KHDRBS2: variants seen among roughly 807,000 people sequenced by gnomAD.
KHDRBS2 encodes KH domain-containing, RNA-binding, signal transduction-associated protein 2.
Under a neutral mutation model 44.3 loss-of-function variants are expected in KHDRBS2, and 26 were observed. That is an observed-to-expected ratio of 0.59 (90% CI 0.43 to 0.81). The LOEUF (loss-of-function observed/expected upper bound fraction) is 0.81, where lower values mean the gene tolerates loss of function less well. KHDRBS2 is among the 40% of genes least tolerant of loss of function. KHDRBS2 has a pLI of 0.00. For missense variants in KHDRBS2, 476 were observed against 433.1 expected, an observed-to-expected ratio of 1.10 and a Z score of -0.88; for synonymous variants, 194 against 151.1, an observed-to-expected ratio of 1.28 and a Z score of -2.08.
intron 3 of KHDRBS2, among the ~76,000 whole-genome samples, chr6:61,982,968 T>C (rs1377959052): frequency 6.6e-5 from 10 of 152,062 alleles, no homozygotes; most frequent in Admixed American, 1.3e-4. Flanking sequence ...AAATGAAATA[T>C]TTATCTTTTT....
At chr6:61,642,858 G>T in the KHDRBS2 span, among the ~76,000 whole-genome samples, 1 of 151,974 alleles carries the variant, frequency 6.6e-6, no homozygotes, top group African/African-American at 2.4e-5. Context: ...TTACTTTATA[G>T]TCTAAATTCC....
intron 3 of KHDRBS2, among the ~76,000 whole-genome samples, chr6:62,026,030 C>T (rs1447049210): frequency 6.6e-6 from 1 of 151,886 alleles, no homozygotes; most frequent in Non-Finnish European, 1.5e-5. Flanking sequence ...TATTAGTATT[C>T]AAATTATTGA....
At chr6:61,967,079 C>T (rs1400608644) in intron 4 of KHDRBS2, among the ~76,000 whole-genome samples, 1 of 150,578 alleles carries the variant, frequency 6.6e-6, no homozygotes, top group East Asian at 1.9e-4. Flanking sequence ...TGGTAGTTTC[C>T]TTTATAATTT....
At chr6:62,140,232 G>A (rs1430873657) in intron 2 of KHDRBS2, among the ~76,000 whole-genome samples, 3 of 152,020 alleles carry the variant, frequency 2.0e-5, no homozygotes, top group Non-Finnish European at 2.9e-5. Flanking sequence ...ACAATGTTTG[G>A]TTCATTGTAA....
chr6:61,722,500 CA>C (rs1317282780), intron 7 of KHDRBS2, among the ~76,000 whole-genome samples: 1 of 152,118 alleles, frequency 6.6e-6, no homozygotes, highest in Non-Finnish European at 1.5e-5. Flanking sequence ...TATAATCTCA[CA>C]AATTCTATGT....
At chr6:61,776,769 C>T (rs1310456558) in intron 6 of KHDRBS2, among the ~76,000 whole-genome samples, 4 of 152,194 alleles carry the variant, frequency 2.6e-5, no homozygotes, top group South Asian at 4.2e-4. Context: ...ACCATTAAAC[C>T]CAGTCATCCC....
At chr6:62,047,790 G>C in intron 3 of KHDRBS2, 88 bp downstream of exon 3, 1 of 776,502 alleles carries the variant, frequency 1.3e-6, no homozygotes, top group East Asian at 2.5e-5. Flanking sequence ...AATGGTGAAA[G>C]AGCAGTTCAG....
chr6:61,934,749 TG>T (rs1810726052), intron 4 of KHDRBS2, among the ~76,000 whole-genome samples: 1 of 152,122 alleles, frequency 6.6e-6, no homozygotes, highest in African/African-American at 2.4e-5. Context: ...AATCCCAAAT[TG>T]GGGTAACAGG....
intron 1 of KHDRBS2, among the ~76,000 whole-genome samples, chr6:62,223,656 C>A (rs1447987131): frequency 6.6e-6 from 1 of 152,148 alleles, no homozygotes; most frequent in African/African-American, 2.4e-5. Flanking sequence ...CAAGTCACAT[C>A]TTGAATGCTT....
chr6:61,652,323 G>A, the KHDRBS2 span: 118 of 151,968 alleles, frequency 7.8e-4, 1 homozygote, highest in Non-Finnish European at 1.5e-5. Context: ...AAAATCTGTG[G>A]AGAAAAAAAG....
chr6:61,900,188 T>C (rs1583409537), intron 5 of KHDRBS2, among the ~76,000 whole-genome samples: 1 of 152,188 alleles, frequency 6.6e-6, no homozygotes, highest in South Asian at 2.1e-4. Flanking sequence ...TATTTGAGAA[T>C]TTATCTTTCT....
chr6:61,655,223 C>CAT, the KHDRBS2 span, among the ~76,000 whole-genome samples: 15 of 99,634 alleles, frequency 1.5e-4, no homozygotes, highest in Non-Finnish European at 2.7e-4. Flanking sequence ...TACATACATA[C>CAT]ATACACACAC....
intron 1 of KHDRBS2, among the ~76,000 whole-genome samples, chr6:62,216,392 G>A (rs1829980826): frequency 6.6e-6 from 1 of 151,814 alleles, no homozygotes; most frequent in Admixed American, 6.6e-5. Flanking sequence ...GCTCTCAGCA[G>A]AGCATATCTA....
At chr6:61,791,913 T>C (rs942487584) in intron 6 of KHDRBS2, among the ~76,000 whole-genome samples, 1 of 151,426 alleles carries the variant, frequency 6.6e-6, no homozygotes, top group African/African-American at 2.4e-5. Flanking sequence ...TAATTGTTGA[T>C]ATATTTGAAT....
At chr6:62,144,792 T>C (rs1344157399) in intron 2 of KHDRBS2, among the ~76,000 whole-genome samples, 1 of 151,918 alleles carries the variant, frequency 6.6e-6, no homozygotes, top group Admixed American at 6.6e-5. Flanking sequence ...AGATCTGAGA[T>C]AAGATTATGC....
intron 6 of KHDRBS2, among the ~76,000 whole-genome samples, chr6:61,881,611 G>C (rs868035459): frequency 1.1e-4 from 17 of 151,920 alleles, no homozygotes; most frequent in African/African-American, 3.4e-4. Flanking sequence ...AAGAGATTCT[G>C]GTGCAGTGCA....
chr6:62,024,839 G>A (rs1407585212), intron 3 of KHDRBS2, among the ~76,000 whole-genome samples: 1 of 151,460 alleles, frequency 6.6e-6, no homozygotes, highest in Non-Finnish European at 1.5e-5. Context: ...TCTTGTAACA[G>A]TAACCTATTA....
chr6:61,728,224 G>T (rs529052355), intron 7 of KHDRBS2, among the ~76,000 whole-genome samples: 1 of 151,996 alleles, frequency 6.6e-6, no homozygotes, highest in Non-Finnish European at 1.5e-5. Context: ...ATTTATTAAC[G>T]GGGAGCTAAA....
At chr6:62,078,575 C>A (rs1405766283) in intron 2 of KHDRBS2, among the ~76,000 whole-genome samples, 1 of 151,714 alleles carries the variant, frequency 6.6e-6, no homozygotes, top group African/African-American at 2.4e-5. Context: ...TTTATAATTT[C>A]ATCTGTATTA....
Sources: gnomAD v4.1 joint callset for allele counts (sites outside exome capture counted in the v4.1 genomes callset) on GRCh38, gnomAD v4.1.1 for gene constraint, MANE v1.5 for transcripts, NCBI Gene and HGNC (gene_info 2026-07-23, HGNC 2026-07-21) for gene names.